The following GALM variants were observed in gnomAD, a reference collection of about 807,000 sequenced individuals.
The protein encoded by GALM is galactose mutarotase.
GALM carries 43 observed loss-of-function variants against 37.4 expected under a neutral mutation model. The ratio of observed to expected loss-of-function variants is 1.15; its 90% CI spans 0.90 to 1.48. GALM has a LOEUF of 1.48. Among genes scored for constraint, GALM ranks in the 40% most tolerant of loss-of-function variants. The probability of loss-of-function intolerance (pLI) is 0.00; values close to 1 mark genes in which losing one functional copy is unlikely to be tolerated. For synonymous variants in GALM, 199 were observed against 170.6 expected, an observed-to-expected ratio of 1.17 and a Z score of -1.30; for missense variants, 456 against 419.1, an observed-to-expected ratio of 1.09 and a Z score of -0.77.
chr2:38,697,642 A>C (rs6752602), intron 4 of GALM, among the ~76,000 whole-genome samples: 14,530 of 152,218 alleles, frequency 0.095, 746 homozygotes, highest in Middle Eastern at 0.12. Context: ...AACTGTTAAA[A>C]TTGTGGCCAC....
intron 4 of GALM, among the ~76,000 whole-genome samples, chr2:38,696,555 C>T (rs939108066): frequency 6.6e-6 from 1 of 151,522 alleles, no homozygotes; most frequent in African/African-American, 2.4e-5. Flanking sequence ...GCTCCGCCTT[C>T]CAAATAGCTA....
intron 1 of GALM, chr2:38,668,245 G>C (rs756852399): frequency 2.0e-5 from 3 of 152,214 alleles, no homozygotes; most frequent in Non-Finnish European, 2.9e-5. Flanking sequence ...GAGTGGAGTA[G>C]TGCAATTATA....
intron 4 of GALM, among the ~76,000 whole-genome samples, chr2:38,692,993 C>T (rs1426272899): frequency 2.0e-5 from 3 of 152,144 alleles, no homozygotes; most frequent in Admixed American, 6.5e-5. Context: ...TGATTGGGGC[C>T]ATGTCAGATC....
intron 4 of GALM, among the ~76,000 whole-genome samples, chr2:38,705,045 C>T (rs761933142): frequency 2.6e-5 from 4 of 152,186 alleles, no homozygotes; most frequent in Admixed American, 1.3e-4. Flanking sequence ...CAAAATTTAG[C>T]ACTTGGCCAG....
At chr2:38,668,189 A>AT (rs1285832338) in intron 1 of GALM, 2 of 152,080 alleles carry the variant, frequency 1.3e-5, no homozygotes, top group African/African-American at 4.8e-5. Context: ...TTTTTTATGT[A>AT]TTTTTTATTT....
chr2:38,667,368 G>C (rs1664972435), intron 1 of GALM, among the ~76,000 whole-genome samples: 1 of 151,576 alleles, frequency 6.6e-6, no homozygotes, highest in African/African-American at 2.4e-5. Flanking sequence ...ATGTTGGCCA[G>C]ACCAGCCTGG....
intron 4 of GALM, among the ~76,000 whole-genome samples, chr2:38,706,704 G>A (rs1273704476): frequency 6.6e-6 from 1 of 151,644 alleles, no homozygotes; most frequent in African/African-American, 2.4e-5. Flanking sequence ...TGTTCTGGTG[G>A]GACTTGACTG....
At chr2:38,688,914 G>A (rs766107494) in intron 3 of GALM, among the ~76,000 whole-genome samples, 5 of 152,112 alleles carry the variant, frequency 3.3e-5, no homozygotes, top group Non-Finnish European at 5.9e-5. Context: ...TCCACCTCCC[G>A]GGTTCAAGCA....
Position 38,733,559 on chromosome 2 carries a change from G to A in GALM, c.1023G>A (p.Val341=). 1 of 1,613,018 alleles carries A rather than the reference G, an allele frequency of 6.2e-7. No homozygotes were observed. Among genetic ancestry groups the A allele is most frequent in the Non-Finnish European group, 8.5e-7 (1 of 1,179,010 alleles). The change falls in exon 7 of 7, where the codon GTG becomes GTA. Residue 341 remains valine, a synonymous_variant. Coordinates refer to ENST00000272252, the MANE Select transcript of GALM (RefSeq NM_138801.3). ...YDHTTWFKFS[V]A ...ACACCACCTGGTTCAAGTTTTCTGT[G>A]GCTTAAGGAAGTGTGAAGATATGAT...
chr2:38,671,749 T>G (rs1349131149), intron 1 of GALM, among the ~76,000 whole-genome samples: 3 of 152,172 alleles, frequency 2.0e-5, no homozygotes, highest in African/African-American at 7.2e-5. Context: ...CCCAGCACTT[T>G]GAGAAGCCTA....
chr2:38,719,247 G>A (rs1361503704), intron 4 of GALM, among the ~76,000 whole-genome samples: 1 of 151,714 alleles, frequency 6.6e-6, no homozygotes, highest in Non-Finnish European at 1.5e-5. Flanking sequence ...CGAGGTGGGT[G>A]GATCACGAGG....
intron 3 of GALM, among the ~76,000 whole-genome samples, chr2:38,686,439 G>C (rs186164792): frequency 6.6e-6 from 1 of 151,572 alleles, no homozygotes; most frequent in Non-Finnish European, 1.5e-5. Context: ...CTACTTTTTT[G>C]TATTTTTAGT....
At chr2:38,681,595 C>T in intron 3 of GALM, 109 bp downstream of exon 3, 1 of 896,938 alleles carries the variant, frequency 1.1e-6, no homozygotes, top group East Asian at 2.6e-5. Context: ...AGGTCACCCT[C>T]ATGATGATGA....
chr2:38,699,278 T>C (rs1665870768), intron 4 of GALM, among the ~76,000 whole-genome samples: 2 of 152,202 alleles, frequency 1.3e-5, no homozygotes, highest in East Asian at 1.9e-4. Context: ...TATTGATACC[T>C]AATACATATT....
chr2:38,686,087 C>T (rs1426050554), intron 3 of GALM, among the ~76,000 whole-genome samples: 1 of 151,694 alleles, frequency 6.6e-6, no homozygotes, highest in Non-Finnish European at 1.5e-5. Context: ...AGGGTGGGTG[C>T]CTGATGAATG....
chr2:38,730,116 C>G (rs961131652), intron 5 of GALM, among the ~76,000 whole-genome samples: 1 of 152,200 alleles, frequency 6.6e-6, no homozygotes, highest in South Asian at 2.1e-4. Flanking sequence ...CAGCCTTGAC[C>G]GATAGACACT....
At chr2:38,679,683 T>C (rs1446172356) in intron 2 of GALM, among the ~76,000 whole-genome samples, 1 of 152,172 alleles carries the variant, frequency 6.6e-6, no homozygotes, top group Non-Finnish European at 1.5e-5. Context: ...ACTCATCCCC[T>C]GATAGTATAG....
intron 4 of GALM, among the ~76,000 whole-genome samples, chr2:38,693,360 G>A (rs182083258): frequency 1.3e-4 from 20 of 152,118 alleles, no homozygotes; most frequent in Admixed American, 7.2e-4. Flanking sequence ...GTAGGCGCCT[G>A]TAATCCCAGT....
chr2:38,668,204 G>T (rs1665003825), intron 1 of GALM: 1 of 151,996 alleles, frequency 6.6e-6, no homozygotes, highest in South Asian at 2.1e-4. Flanking sequence ...TTATTTTTTA[G>T]AGGTGGAGTC....
Sources: gnomAD v4.1 joint callset for allele counts (sites outside exome capture counted in the v4.1 genomes callset) on GRCh38, gnomAD v4.1.1 for gene constraint, MANE v1.5 for transcripts, NCBI Gene and HGNC (gene_info 2026-07-23, HGNC 2026-07-21) for gene names.